The following SND1 variants were observed in gnomAD, a reference collection of about 807,000 sequenced individuals.
The protein encoded by SND1 is staphylococcal nuclease and tudor domain containing 1, also known as staphylococcal nuclease domain-containing protein 1.
SND1 carries 38 observed loss-of-function variants against 121.7 expected under a neutral mutation model. The ratio of observed to expected loss-of-function variants is 0.31; its 90% confidence interval spans 0.24 to 0.41. The LOEUF (loss-of-function observed/expected upper bound fraction) is 0.41. Ranked by LOEUF, SND1 falls within the 10% of genes least tolerant of loss-of-function variation. The pLI is 1.00. For synonymous variants in SND1, 401 were observed against 447.4 expected (o/e 0.90, Z 1.31); for missense variants, 868 against 1,184.6 (o/e 0.73, Z 3.92).
intron 16 of SND1, among the ~76,000 whole-genome samples, chr7:128,061,786 T>C (rs1318438524): frequency 1.3e-5 from 2 of 152,234 alleles, no homozygotes; most frequent in East Asian, 1.9e-4. Flanking sequence ...AACCTTATAA[T>C]TGGTAGCTTT....
chr7:127,776,272 GTT>G (rs1202089816), intron 10 of SND1, among the ~76,000 whole-genome samples: 1 of 152,130 alleles, frequency 6.6e-6, no homozygotes, highest in African/African-American at 2.4e-5. Context: ...AATGTTGATT[GTT>G]TTATGGCATT....
intron 16 of SND1, among the ~76,000 whole-genome samples, chr7:127,994,536 G>A (rs1001409590): frequency 2.2e-5 from 2 of 89,020 alleles, no homozygotes; most frequent in Admixed American, 1.8e-4. Context: ...CTCAAATGAC[G>A]ATCACTTTTA....
chr7:127,703,378 T>C, intron 7 of SND1, 55 bp downstream of exon 7: 1 of 1,583,594 alleles, frequency 6.3e-7, no homozygotes. Flanking sequence ...ATTTGGGGTT[T>C]GAAGAATAGG....
intron 15 of SND1, among the ~76,000 whole-genome samples, chr7:127,957,933 C>T (rs974535799): frequency 1.3e-5 from 2 of 152,190 alleles, no homozygotes; most frequent in Non-Finnish European, 2.9e-5. Context: ...AACTCCTTGC[C>T]TCAAGCATTC....
intron 16 of SND1, among the ~76,000 whole-genome samples, chr7:128,061,272 A>C (rs1219546582): frequency 6.6e-6 from 1 of 152,238 alleles, no homozygotes; most frequent in African/African-American, 2.4e-5. Flanking sequence ...CTGCTGACCC[A>C]TCCTACAGAT....
chr7:127,847,330 A>G (rs910945741), intron 12 of SND1, among the ~76,000 whole-genome samples: 3 of 152,184 alleles, frequency 2.0e-5, no homozygotes, highest in Admixed American at 2.0e-4. Flanking sequence ...TGAGGTATTG[A>G]TAATTAAGAA....
chr7:127,679,985 T>C (rs1193962842), intron 1 of SND1, among the ~76,000 whole-genome samples: 1 of 152,170 alleles, frequency 6.6e-6, no homozygotes, highest in African/African-American at 2.4e-5. Context: ...GTCACGTAGG[T>C]TCTTTTCTAT....
At chr7:127,784,842 A>C (rs1424094995) in intron 10 of SND1, among the ~76,000 whole-genome samples, 1 of 152,234 alleles carries the variant, frequency 6.6e-6, no homozygotes, top group South Asian at 2.1e-4. Context: ...CATGGGTAGT[A>C]TGAGAGCAGA....
intron 10 of SND1, among the ~76,000 whole-genome samples, chr7:127,769,316 G>C (rs2116494196): frequency 1.3e-5 from 2 of 152,300 alleles, no homozygotes; most frequent in South Asian, 4.1e-4. Flanking sequence ...AGAAGCCTGG[G>C]CTGTCTGTCC....
At chr7:127,757,301 A>G (rs975273161) in intron 10 of SND1, among the ~76,000 whole-genome samples, 11 of 152,152 alleles carry the variant, frequency 7.2e-5, no homozygotes, top group South Asian at 2.1e-4. Context: ...CATTGTTTCA[A>G]TAAACTACAG....
intron 15 of SND1, among the ~76,000 whole-genome samples, chr7:127,989,297 G>A (rs981569595): frequency 6.6e-6 from 1 of 152,132 alleles, no homozygotes; most frequent in Non-Finnish European, 1.5e-5. Context: ...GCTGTCCTGT[G>A]GCAGTCTTTC....
intron 9 of SND1, among the ~76,000 whole-genome samples, chr7:127,709,089 A>C (rs1008673195): frequency 2.0e-5 from 3 of 152,174 alleles, no homozygotes; most frequent in African/African-American, 7.2e-5. Context: ...AGCCAAAATC[A>C]TTCCTTTTGG....
chr7:127,771,916 G>A (rs1281096523), intron 10 of SND1, among the ~76,000 whole-genome samples: 1 of 151,880 alleles, frequency 6.6e-6, no homozygotes, highest in Non-Finnish European at 1.5e-5. Context: ...TTCCGGCTGG[G>A]CCATCTATTT....
At chr7:128,008,562 TCC>T (rs1218814259) in intron 16 of SND1, among the ~76,000 whole-genome samples, 6 of 151,286 alleles carry the variant, frequency 4.0e-5, no homozygotes, top group African/African-American at 1.5e-4. Flanking sequence ...GCCCTCGAAC[TCC>T]CTAGGTGGGA....
intron 16 of SND1, among the ~76,000 whole-genome samples, chr7:128,055,249 C>T (rs1482517702): frequency 6.6e-6 from 1 of 152,172 alleles, no homozygotes; most frequent in African/African-American, 2.4e-5. Flanking sequence ...ACAGCCTGTG[C>T]TCCTCCCCCT....
chr7:127,745,262 G>T lies in SND1; in HGVS notation c.1152+23862G>T, dbSNP rs567549541. On this transcript the variant is annotated intron_variant, in intron 10 of 23. Coordinates refer to ENST00000354725, the MANE Select transcript of SND1 (RefSeq NM_014390.4). ...TTGCTCCAGGCTGTAAACCTGTACA[G>T]CATGTTGCAGTGCTGAATACTGTAG... Among the ~76,000 whole-genome samples, 52 of 152,304 alleles carry T rather than the reference G, an allele frequency of 3.4e-4. 1 individual carries two copies. The South Asian group carries it at 4.3e-3, about 13-fold the overall frequency.
chr7:127,815,327 TAAG>T (rs3039890), intron 11 of SND1, among the ~76,000 whole-genome samples: 8,284 of 152,144 alleles, frequency 0.054, 656 homozygotes, highest in African/African-American at 0.17. Context: ...AGTATCCTAA[TAAG>T]AAGACGATCT....
intron 10 of SND1, among the ~76,000 whole-genome samples, chr7:127,787,060 T>C (rs1797826521): frequency 6.6e-6 from 1 of 152,172 alleles, no homozygotes; most frequent in African/African-American, 2.4e-5. Context: ...GAATAAGAAA[T>C]CCCTTTGTGA....
At chr7:127,932,926 A>G (rs746226345) in intron 15 of SND1, among the ~76,000 whole-genome samples, 3 of 152,222 alleles carry the variant, frequency 2.0e-5, no homozygotes, top group Non-Finnish European at 4.4e-5. Context: ...GTGGTCTGGA[A>G]CTAAACTTGC....
Sources: allele counts gnomAD v4.1 joint callset (sites outside exome capture counted in the v4.1 genomes callset), GRCh38; gene constraint gnomAD v4.1.1; transcripts MANE v1.5; gene names NCBI Gene and HGNC (gene_info 2026-07-23, HGNC 2026-07-21).